The following MARCHF3 variants were observed in gnomAD, a reference collection of about 807,000 sequenced individuals.
MARCHF3 encodes membrane associated ring-CH-type finger 3.
MARCHF3 carries 13 observed loss-of-function variants against 24.2 expected under a neutral mutation model. The observed-to-expected ratio is 0.54, with a 90% confidence interval of 0.35 to 0.85. The LOEUF is 0.85. Among genes scored for constraint, MARCHF3 ranks in the 40% least tolerant of loss-of-function variants. The probability of loss-of-function intolerance (pLI) is 0.01; values close to 1 mark genes in which losing one functional copy is unlikely to be tolerated. For synonymous variants in MARCHF3, 144 were observed against 137.3 expected, an observed-to-expected ratio of 1.05 and a Z score of -0.34; for missense variants, 276 against 325.0, an observed-to-expected ratio of 0.85 and a Z score of 1.16.
At chr5:126,872,204 C>T (rs150492497) in intron 4 of MARCHF3, among the ~76,000 whole-genome samples, 113 of 150,898 alleles carry the variant, frequency 7.5e-4, no homozygotes, top group African/African-American at 2.4e-3. Flanking sequence ...CTCAGCCTCC[C>T]GAGTAGCCAC....
At chr5:126,954,724 A>G (rs1183718232) in intron 1 of MARCHF3, among the ~76,000 whole-genome samples, 2 of 147,632 alleles carry the variant, frequency 1.4e-5, no homozygotes, top group Non-Finnish European at 3.0e-5. Flanking sequence ...GCACTCATGC[A>G]TTTACAACTC....
At chr5:126,953,474 C>G (rs1282610615) in intron 1 of MARCHF3, among the ~76,000 whole-genome samples, 2 of 151,974 alleles carry the variant, frequency 1.3e-5, no homozygotes, top group Non-Finnish European at 2.9e-5. Flanking sequence ...ATCTTTGATT[C>G]CAAAGGATTT....
chr5:126,967,685 C>G (rs1281117515), intron 1 of MARCHF3, among the ~76,000 whole-genome samples: 2 of 152,178 alleles, frequency 1.3e-5, no homozygotes, highest in East Asian at 1.9e-4. Flanking sequence ...AAGAGCAAGA[C>G]TCTGTCTCAA....
At chr5:126,961,398 T>A (rs1750632230) in intron 1 of MARCHF3, among the ~76,000 whole-genome samples, 1 of 152,092 alleles carries the variant, frequency 6.6e-6, no homozygotes, top group South Asian at 2.1e-4. Context: ...ATCAGAGATG[T>A]CCAAACTCAG....
intron 1 of MARCHF3, among the ~76,000 whole-genome samples, chr5:126,946,846 G>A (rs1048287069): frequency 3.3e-5 from 5 of 150,814 alleles, no homozygotes; most frequent in South Asian, 2.1e-4. Flanking sequence ...CTCTAACACC[G>A]CTGTTTTTAT....
At chr5:126,953,549 A>G (rs1451990910) in intron 1 of MARCHF3, among the ~76,000 whole-genome samples, 1 of 152,232 alleles carries the variant, frequency 6.6e-6, no homozygotes, top group African/African-American at 2.4e-5. Context: ...TCTAGGTTCA[A>G]AAAATTTCCC....
At chr5:126,944,497 T>G (rs1204511594) in intron 1 of MARCHF3, among the ~76,000 whole-genome samples, 1 of 152,166 alleles carries the variant, frequency 6.6e-6, no homozygotes, top group Non-Finnish European at 1.5e-5. Flanking sequence ...GCAGGGGAAC[T>G]GCTTGAGCCC....
At position 126,906,289 on chromosome 5, in the gene MARCHF3, T is replaced by G. The variant is rs571064827; in HGVS notation, c.393+8641A>C. On this transcript the variant is annotated intron_variant, in intron 3 of 4. Transcript: ENST00000308660. ...GGTCTAAAATTCTCTTTTTTGGTTG[T>G]GTCTCTGTCAGGCTTTGGTATCAGG... is the stretch of plus-strand genomic sequence containing the variant. 1.8e-4 allele frequency among the ~76,000 whole-genome samples: 28 copies of G among 152,262 alleles called. 1 individual carries two copies. The highest frequency in any genetic ancestry group is 6.7e-4 in the African/African-American group (28 of 41,540).
intron 1 of MARCHF3, among the ~76,000 whole-genome samples, chr5:126,936,252 G>T (rs977597772): frequency 6.6e-6 from 1 of 152,114 alleles, no homozygotes; most frequent in Non-Finnish European, 1.5e-5. Context: ...TTTAAAAAAG[G>T]AATTTATCTT....
chr5:126,870,610 A>ACAAC lies in MARCHF3; in HGVS notation c.*19_*22dup, dbSNP rs1752933245. 2 of 1,513,506 alleles carry ACAAC rather than the reference A, an allele frequency of 1.3e-6. No individual in the cohort carries two copies. Among genetic ancestry groups the ACAAC allele is most frequent in the Admixed American group, 1.8e-5 (1 of 56,550 alleles). The allele number at this position is 1,513,506 out of a possible 1,614,324, so 93.8% of individuals were successfully genotyped here. A position where few individuals can be genotyped will look rare whatever the true frequency, so the allele number is the denominator to read the frequency against. Reference sequence around the variant, plus strand: ...TTCCAAACCCCAAACAATGAATCAAACAACCAACCAACCATACAAACATCA... The same window carrying ACAAC: ...TTCCAAACCCCAAACAATGAATCAAACAACCAACCAACCAACCATACAAACATCA... On this transcript the variant is annotated 3_prime_UTR_variant, in exon 5 of 5. Coordinates refer to ENST00000308660, the MANE Select transcript of MARCHF3 (RefSeq NM_178450.5).
intron 3 of MARCHF3, among the ~76,000 whole-genome samples, chr5:126,897,738 T>G (rs1299514229): frequency 3.3e-5 from 5 of 152,208 alleles, no homozygotes; most frequent in African/African-American, 1.2e-4. Context: ...TAGGAGACCA[T>G]TAGAGCACCC....
chr5:127,025,007 C>A (rs1412554929), intron 1 of MARCHF3, among the ~76,000 whole-genome samples: 1 of 152,112 alleles, frequency 6.6e-6, no homozygotes, highest in Non-Finnish European at 1.5e-5. Flanking sequence ...GCCAGTACTG[C>A]AACAGTGAGC....
chr5:126,911,038 CCCA>C (rs764919651), intron 3 of MARCHF3, among the ~76,000 whole-genome samples: 1 of 152,208 alleles, frequency 6.6e-6, no homozygotes, highest in Non-Finnish European at 1.5e-5. Context: ...CTGTAGCACT[CCCA>C]GGCTTATTAG....
At chr5:126,982,029 C>T (rs1304776907) in intron 1 of MARCHF3, among the ~76,000 whole-genome samples, 8 of 152,176 alleles carry the variant, frequency 5.3e-5, no homozygotes, top group African/African-American at 1.9e-4. Context: ...TTGTGCCTTT[C>T]TAAGCTTCAG....
chr5:126,943,076 A>G (rs1749886512), intron 1 of MARCHF3, among the ~76,000 whole-genome samples: 1 of 152,234 alleles, frequency 6.6e-6, no homozygotes, highest in South Asian at 2.1e-4. Context: ...AGTTGAGGTC[A>G]GGAGTTCAAG....
At chr5:126,872,161 CCT>C (rs1410160387) in intron 4 of MARCHF3, among the ~76,000 whole-genome samples, 9 of 142,736 alleles carry the variant, frequency 6.3e-5, no homozygotes, top group Admixed American at 3.0e-4. Flanking sequence ...CTCACCGCAA[CCT>C]CTGTCTCCCA....
At chr5:126,981,102 T>C (rs1432634684) in intron 1 of MARCHF3, among the ~76,000 whole-genome samples, 1 of 152,220 alleles carries the variant, frequency 6.6e-6, no homozygotes, top group African/African-American at 2.4e-5. Context: ...TCTGTTGAAC[T>C]TGCAGAAAAA....
intron 3 of MARCHF3, among the ~76,000 whole-genome samples, chr5:126,881,491 T>G (rs536323427): frequency 1.3e-5 from 2 of 152,282 alleles, no homozygotes; most frequent in South Asian, 4.2e-4. Context: ...CAGAGAAAAT[T>G]TGATTACAGC....
chr5:126,926,226 G>C (rs897151095), intron 1 of MARCHF3, among the ~76,000 whole-genome samples: 5 of 152,082 alleles, frequency 3.3e-5, no homozygotes, highest in South Asian at 2.1e-4. Context: ...TTTAAATCAG[G>C]GTTCCTTGGA....
Sources: gnomAD v4.1 joint callset for allele counts (sites outside exome capture counted in the v4.1 genomes callset) on GRCh38, gnomAD v4.1.1 for gene constraint, MANE v1.5 for transcripts, NCBI Gene and HGNC (gene_info 2026-07-23, HGNC 2026-07-21) for gene names.